ABTB2: variants seen among roughly 807,000 people sequenced by gnomAD.
ABTB2 encodes the protein ankyrin repeat and BTB domain containing 2, also known as ankyrin repeat and BTB/POZ domain-containing protein 2.
In ABTB2, 56 loss-of-function variants were observed where a neutral mutation model predicts 104.1. The observed-to-expected ratio is 0.54, with a 90% CI of 0.43 to 0.67. The LOEUF is 0.67. Ranked by LOEUF, ABTB2 falls within the 30% of genes least tolerant of loss-of-function variation. The pLI is 0.00. For synonymous variants in ABTB2, 606 were observed against 608.2 expected, an observed-to-expected ratio of 1.00 and a Z score of 0.05; for missense variants, 1,279 against 1,407.7, an observed-to-expected ratio of 0.91 and a Z score of 1.46.
At chr11:34,322,650 T>C (rs958671288) in intron 1 of ABTB2, among the ~76,000 whole-genome samples, 88 of 152,106 alleles carry the variant, frequency 5.8e-4, no homozygotes, top group Non-Finnish European at 1.3e-4. Context: ...ACAATGGCAT[T>C]GTGAGAATTA....
At chr11:34,292,190 T>A (rs748151847) in intron 1 of ABTB2, among the ~76,000 whole-genome samples, 1 of 152,120 alleles carries the variant, frequency 6.6e-6, no homozygotes, top group Admixed American at 6.5e-5. Flanking sequence ...CTTCTGTTCA[T>A]CCTATACCCT....
intron 3 of ABTB2, among the ~76,000 whole-genome samples, chr11:34,183,259 C>G (rs1295925013): frequency 2.0e-5 from 3 of 152,184 alleles, no homozygotes; most frequent in African/African-American, 7.2e-5. Context: ...TGCCACCAGA[C>G]TCGGCTAAGT....
At chr11:34,153,723 G>A (rs188332466) in intron 16 of ABTB2, among the ~76,000 whole-genome samples, 30 of 152,344 alleles carry the variant, frequency 2.0e-4, no homozygotes, top group Admixed American at 2.0e-3. Flanking sequence ...TGATGCCATT[G>A]TCCAAGAGAG....
At chr11:34,196,673 C>G (rs1035948375) in intron 3 of ABTB2, among the ~76,000 whole-genome samples, 1 of 152,232 alleles carries the variant, frequency 6.6e-6, no homozygotes, top group Non-Finnish European at 1.5e-5. Flanking sequence ...TCTTTGCAGC[C>G]TTGCTCCCAG....
At chr11:34,333,449 A>G (rs1590259871) in intron 1 of ABTB2, among the ~76,000 whole-genome samples, 1 of 152,210 alleles carries the variant, frequency 6.6e-6, no homozygotes, top group South Asian at 2.1e-4. Context: ...CAAAATTCCC[A>G]AAAACTAAAA....
At chr11:34,246,471 C>T (rs978832749) in intron 1 of ABTB2, among the ~76,000 whole-genome samples, 1 of 151,862 alleles carries the variant, frequency 6.6e-6, no homozygotes, top group African/African-American at 2.4e-5. Context: ...CGTAATGGTG[C>T]ATGCCTGTAA....
intron 1 of ABTB2, among the ~76,000 whole-genome samples, chr11:34,353,319 A>C (rs1355167967): frequency 6.6e-6 from 1 of 152,214 alleles, no homozygotes; most frequent in Non-Finnish European, 1.5e-5. Flanking sequence ...GAAGAAACCT[A>C]GTAGTGATGC....
At chr11:34,352,770 G>T (rs1855414959) in intron 1 of ABTB2, among the ~76,000 whole-genome samples, 1 of 152,210 alleles carries the variant, frequency 6.6e-6, no homozygotes, top group South Asian at 2.1e-4. Context: ...GCAAAGTTGT[G>T]TATGGCCAGG....
chr11:34,192,880 CCTCT>C (rs1479650612), intron 3 of ABTB2, among the ~76,000 whole-genome samples: 1 of 152,198 alleles, frequency 6.6e-6, no homozygotes, highest in Non-Finnish European at 1.5e-5. Context: ...TGCATGTCTC[CCTCT>C]GTCTCCTCTA....
chr11:34,220,869 G>A (rs1048713766), intron 1 of ABTB2, among the ~76,000 whole-genome samples: 1 of 152,154 alleles, frequency 6.6e-6, no homozygotes, highest in Non-Finnish European at 1.5e-5. Flanking sequence ...CAAGGTGTTG[G>A]CAGGGGTTGG....
At chr11:34,318,267 G>A (rs1854964076) in intron 1 of ABTB2, among the ~76,000 whole-genome samples, 1 of 152,100 alleles carries the variant, frequency 6.6e-6, no homozygotes, top group South Asian at 2.1e-4. Context: ...ACTGTGCCTG[G>A]CTCCACGTTT....
intron 3 of ABTB2, among the ~76,000 whole-genome samples, chr11:34,173,608 T>A (rs7102200): frequency 0.5 from 76,490 of 151,946 alleles, 19,918 homozygotes; most frequent in East Asian, 0.91. Context: ...ACAGAAGGAA[T>A]TTCCATCATG....
At chr11:34,348,870 T>C (rs756598888) in intron 1 of ABTB2, among the ~76,000 whole-genome samples, 2 of 152,174 alleles carry the variant, frequency 1.3e-5, no homozygotes, top group Non-Finnish European at 1.5e-5. Flanking sequence ...TCTGTATATA[T>C]GCTTTGCTTT....
At chr11:34,254,312 A>T (rs977111354) in intron 1 of ABTB2, among the ~76,000 whole-genome samples, 2 of 152,070 alleles carry the variant, frequency 1.3e-5, no homozygotes, top group Non-Finnish European at 2.9e-5. Flanking sequence ...CAGTGGCATG[A>T]TCACAGCTCA....
chr11:34,217,420 A>G (rs1770749009), intron 1 of ABTB2, among the ~76,000 whole-genome samples: 2 of 152,210 alleles, frequency 1.3e-5, no homozygotes, highest in South Asian at 4.1e-4. Context: ...TAAACCTGCT[A>G]TAAATAACTG....
intron 1 of ABTB2, among the ~76,000 whole-genome samples, chr11:34,250,285 GTTC>G (rs1854039509): frequency 1.3e-5 from 2 of 152,124 alleles, no homozygotes; most frequent in African/African-American, 4.8e-5. Flanking sequence ...AGACTCCCCA[GTTC>G]TTCTTAAGGG....
At chr11:34,196,762 C>T (rs1309775750) in intron 3 of ABTB2, among the ~76,000 whole-genome samples, 4 of 152,230 alleles carry the variant, frequency 2.6e-5, no homozygotes, top group African/African-American at 4.8e-5. Context: ...TATTCAACCA[C>T]TAACCTGCTG....
Position 34,167,358 on chromosome 11 carries a change from A to C in ABTB2, c.1656T>G (p.Val552=), listed in dbSNP as rs779069664. 20 of 1,612,092 alleles carry C rather than the reference A, an allele frequency of 1.2e-5. No homozygotes were observed. Among genetic ancestry groups the C allele is most frequent in the Admixed American group, 3.3e-5 (2 of 59,814 alleles). The change falls in exon 7 of 17, where the codon GTT becomes GTG. Residue 552 remains valine (V), a splice_region_variant and synonymous_variant. Transcript: ENST00000435224. ...IDAGANLDIQ[V]PSNSPRHPSI... ...AAGGGTGCCTGGGGGAGTTGCTTGG[A>C]ACCTGGAAAATACCACAAATCATCT...
chr11:34,170,011 C>T (rs1322739948), intron 5 of ABTB2, among the ~76,000 whole-genome samples: 2 of 152,220 alleles, frequency 1.3e-5, no homozygotes, highest in Non-Finnish European at 2.9e-5. Flanking sequence ...TCATCTAACT[C>T]CCCATGCTCT....
Sources: gnomAD v4.1 joint callset for allele counts (sites outside exome capture counted in the v4.1 genomes callset) on GRCh38, gnomAD v4.1.1 for gene constraint, MANE v1.5 for transcripts, NCBI Gene and HGNC (gene_info 2026-07-23, HGNC 2026-07-21) for gene names.